The following ASTN2 variants were observed in gnomAD, a reference collection of about 807,000 sequenced individuals.
ASTN2 encodes the protein astrotactin 2, also known as astrotactin-2.
A neutral mutation model predicts 139.8 loss-of-function variants in ASTN2; 54 were observed. That is an observed-to-expected ratio of 0.39 (90% CI 0.31 to 0.48). The LOEUF is 0.48. Ranked by LOEUF, ASTN2 falls within the 20% of genes least tolerant of loss-of-function variation. The pLI is 0.95. For missense variants in ASTN2, 1,565 were observed against 1,725.1 expected (o/e 0.91, Z 1.64); for synonymous variants, 756 against 719.5 (o/e 1.05, Z -0.81).
chr9:116,451,542 T>C (rs1044267530), intron 20 of ASTN2, among the ~76,000 whole-genome samples: 7 of 152,178 alleles, frequency 4.6e-5, no homozygotes, highest in African/African-American at 1.7e-4. Flanking sequence ...CACAGTACTA[T>C]AAGGTCTTCA....
rs561268407 is a variant in ASTN2, at chr9:116,917,543, G to A, written c.1890-53810C>T. Among the ~76,000 whole-genome samples, 102 of 152,300 alleles carry A rather than the reference G, an allele frequency of 6.7e-4. 2 individuals carry two copies. Among genetic ancestry groups the A allele is most frequent in the Non-Finnish European group, 1.1e-3 (73 of 68,030 alleles). On this transcript the variant is annotated intron_variant, in intron 10 of 22. Coordinates refer to ENST00000313400, the MANE Select transcript of ASTN2 (RefSeq NM_001365068.1). Reference sequence around the variant, plus strand: ...AATTTCTGAACTTGTGTCTTAAAGAGGAATAGCTTTTTCCTCATAACTTGT... The same window carrying A: ...AATTTCTGAACTTGTGTCTTAAAGAAGAATAGCTTTTTCCTCATAACTTGT...
intron 22 of ASTN2, among the ~76,000 whole-genome samples, chr9:116,429,542 C>A (rs1472275970): frequency 2.6e-5 from 4 of 152,110 alleles, no homozygotes; most frequent in Admixed American, 2.6e-4. Context: ...CAGTACACGT[C>A]AAACTCTTAG....
chr9:117,409,246 A>T (rs1363882287), intron 1 of ASTN2, among the ~76,000 whole-genome samples: 1 of 152,230 alleles, frequency 6.6e-6, no homozygotes, highest in African/African-American at 2.4e-5. Context: ...AAACCCCTAG[A>T]GAAGACACAG....
intron 19 of ASTN2, among the ~76,000 whole-genome samples, chr9:116,489,074 A>G (rs1019153702): frequency 1.3e-5 from 2 of 152,138 alleles, no homozygotes; most frequent in African/African-American, 4.8e-5. Context: ...TCAGAGCTCT[A>G]TTCATGTACA....
chr9:117,270,035 G>A (rs1406382322), intron 2 of ASTN2, among the ~76,000 whole-genome samples: 1 of 152,104 alleles, frequency 6.6e-6, no homozygotes, highest in Non-Finnish European at 1.5e-5. Flanking sequence ...CACAAGTAGA[G>A]GTAATAGGAA....
At position 117,124,223 on chromosome 9, in the gene ASTN2, C is replaced by T. The variant is rs936640531; in HGVS notation, c.1168+17103G>A. Among the ~76,000 whole-genome samples, 3 of 152,246 alleles carry T rather than the reference C, an allele frequency of 2.0e-5. No homozygotes were observed. In the East Asian group the frequency reaches 5.8e-4, roughly 29 times the overall value. On this transcript the variant is annotated intron_variant, in intron 4 of 22. Transcript: ENST00000313400. ...CAGGGTTGGGGGCCCAGATATGCCA[C>T]TAACTCATGGTAAAAAAGTTGCTTT...
intron 1 of ASTN2, among the ~76,000 whole-genome samples, chr9:117,346,041 T>G (rs1235032713): frequency 8.4e-6 from 1 of 119,172 alleles, no homozygotes; most frequent in South Asian, 2.8e-4. Flanking sequence ...AAGGAAAAAT[T>G]ATACCAGGCA....
At chr9:117,000,305 A>G (rs1373209703) in intron 7 of ASTN2, among the ~76,000 whole-genome samples, 2 of 152,256 alleles carry the variant, frequency 1.3e-5, no homozygotes, top group South Asian at 4.1e-4. Context: ...CAGAGAAGAG[A>G]GAATTTAAAC....
At chr9:116,523,283 C>G (rs1240307816) in intron 19 of ASTN2, among the ~76,000 whole-genome samples, 4 of 151,686 alleles carry the variant, frequency 2.6e-5, no homozygotes, top group African/African-American at 9.7e-5. Flanking sequence ...TCATCAAAAG[C>G]AGACACAGGA....
At chr9:117,346,317 G>A (rs1053252564) in intron 1 of ASTN2, among the ~76,000 whole-genome samples, 1 of 152,222 alleles carries the variant, frequency 6.6e-6, no homozygotes, top group Non-Finnish European at 1.5e-5. Context: ...TAAGTTTCTT[G>A]GACAAATGTT....
At chr9:116,703,305 C>T (rs10983308) in intron 16 of ASTN2, among the ~76,000 whole-genome samples, 23,145 of 148,980 alleles carry the variant, frequency 0.16, 2,264 homozygotes, top group Non-Finnish European at 0.23. Flanking sequence ...TCATGTCCTT[C>T]GCCCACTTTT....
chr9:116,942,092 A>G (rs1012573538), intron 10 of ASTN2, among the ~76,000 whole-genome samples: 7 of 141,680 alleles, frequency 4.9e-5, no homozygotes, highest in African/African-American at 8.7e-5. Context: ...GCACGCACGC[A>G]CACACACACA....
chr9:117,361,255 T>G (rs1829685333), intron 1 of ASTN2, among the ~76,000 whole-genome samples: 2 of 152,186 alleles, frequency 1.3e-5, no homozygotes, highest in African/African-American at 4.8e-5. Context: ...TTGGAGAGCA[T>G]TTAATTTTGA....
chr9:116,593,817 T>C (rs1854464585), intron 19 of ASTN2, among the ~76,000 whole-genome samples: 1 of 152,220 alleles, frequency 6.6e-6, no homozygotes, highest in African/African-American at 2.4e-5. Context: ...TCCATCTGTC[T>C]GAATTTCCTC....
chr9:116,487,321 G>T, intron 20 of ASTN2, 38 bp downstream of exon 20: 1 of 1,607,530 alleles, frequency 6.2e-7, no homozygotes, highest in Non-Finnish European at 8.5e-7. Flanking sequence ...AAATCATCCT[G>T]TCTGCCTCAT....
At chr9:117,338,791 A>C (rs929883230) in intron 1 of ASTN2, among the ~76,000 whole-genome samples, 11 of 151,980 alleles carry the variant, frequency 7.2e-5, no homozygotes, top group African/African-American at 2.7e-4. Context: ...AAAAAAATGC[A>C]ATAACTTTTG....
In ASTN2 at chr9:116,838,101, G is replaced by GTTTT. The variant is rs752512675; in HGVS notation, c.2041-17322_2041-17319dup. ...CTGGATTCCAGTTCTGCCTGGCTGT[G>GTTTT]TTTTTTTTTGTTTTGTTTTGTTTTT... is the stretch of plus-strand genomic sequence containing the variant. On this transcript the variant is annotated intron_variant, in intron 11 of 22. Transcript: ENST00000313400. Among the ~76,000 whole-genome samples the GTTTT allele has an allele frequency of 7.8e-3, 1,043 of 133,792 alleles. 54 individuals carry two copies. Among genetic ancestry groups the GTTTT allele is most frequent in the East Asian group, 0.021 (78 of 3,786 alleles). 87.8% of individuals were successfully genotyped at this position (133,792 alleles called of 152,430 possible).
intron 19 of ASTN2, among the ~76,000 whole-genome samples, chr9:116,535,626 C>T (rs1027905106): frequency 2.6e-5 from 4 of 151,962 alleles, no homozygotes; most frequent in South Asian, 2.1e-4. Context: ...AGCTTAGTTT[C>T]GCTGGATATG....
intron 13 of ASTN2, among the ~76,000 whole-genome samples, chr9:116,768,979 A>C (rs1024839705): frequency 4.6e-5 from 7 of 152,190 alleles, no homozygotes; most frequent in Admixed American, 4.6e-4. Flanking sequence ...TTGCCCATCA[A>C]ATGAAATTAT....
Sources: allele counts gnomAD v4.1 joint callset (sites outside exome capture counted in the v4.1 genomes callset), GRCh38; gene constraint gnomAD v4.1.1; transcripts MANE v1.5; gene names NCBI Gene and HGNC (gene_info 2026-07-23, HGNC 2026-07-21).